Variants in RB1 observed in about 807,000 individuals in gnomAD.
RB1 encodes the protein RB transcriptional corepressor 1.
Under a neutral mutation model 135.4 loss-of-function variants are expected in RB1, and 18 were observed. The observed-to-expected ratio is 0.13, with a 90% CI of 0.09 to 0.20. The LOEUF (loss-of-function observed/expected upper bound fraction) is 0.20, where lower values mean the gene tolerates loss of function less well. Ranked by LOEUF, RB1 falls within the 10% of genes least tolerant of loss-of-function variation. RB1 has a pLI of 1.00. For synonymous variants in RB1, 365 were observed against 373.2 expected, an observed-to-expected ratio of 0.98 and a Z score of 0.25; for missense variants, 868 against 1,110.0, an observed-to-expected ratio of 0.78 and a Z score of 3.10.
At chr13:48,395,353 G>C (rs1469033322) in intron 17 of RB1, among the ~76,000 whole-genome samples, 1 of 152,108 alleles carries the variant, frequency 6.6e-6, no homozygotes, top group South Asian at 2.1e-4. Flanking sequence ...TCCAAAGAAT[G>C]ACAACTCCTC....
chr13:48,359,809 C>A (rs2138107080), intron 6 of RB1, among the ~76,000 whole-genome samples: 1 of 150,310 alleles, frequency 6.7e-6, no homozygotes, highest in Non-Finnish European at 1.5e-5. Flanking sequence ...ATTTATAATT[C>A]CATAACTTTA....
intron 12 of RB1, among the ~76,000 whole-genome samples, chr13:48,375,492 G>T: frequency 6.7e-6 from 1 of 149,794 alleles, no homozygotes; most frequent in African/African-American, 2.4e-5. Context: ...TTTTTTTTAG[G>T]AATATAGAAT....
At chr13:48,362,664 G>A (rs1197468084) in intron 7 of RB1, 151 bp from the exon 8 acceptor site, 2 of 822,244 alleles carry the variant, frequency 2.4e-6, no homozygotes, top group African/African-American at 3.4e-5. Context: ...TAGTAGATAT[G>A]GATGAAATTG....
chr13:48,424,263 A>G (rs950241241), intron 17 of RB1: 1 of 152,250 alleles, frequency 6.6e-6, no homozygotes, highest in Non-Finnish European at 1.5e-5. Flanking sequence ...TAGTATTACC[A>G]TAAGTCTATC....
In RB1 at chr13:48,332,576, C is replaced by T. The variant is rs549992344; in HGVS notation, c.265-10023C>T. 4.3e-4 allele frequency among the ~76,000 whole-genome samples: 66 copies of T among 152,242 alleles called. 1 individual carries two copies. The South Asian group carries it at 0.013, about 31-fold the overall frequency. On this transcript the variant is annotated intron_variant, in intron 2 of 26. Coordinates refer to ENST00000267163, the MANE Select transcript of RB1 (RefSeq NM_000321.3). ...ACAGAGTGAGACCCTGTCATGAGAC[C>T]TGTCTCAAAAACAAAAACAAAAAAA...
At chr13:48,453,795 A>G (rs1428823936) in intron 18 of RB1, among the ~76,000 whole-genome samples, 3 of 152,226 alleles carry the variant, frequency 2.0e-5, no homozygotes. Flanking sequence ...AAGAGCAGGT[A>G]GAGGAATCGT....
intron 6 of RB1, among the ~76,000 whole-genome samples, chr13:48,351,399 G>A (rs942018101): frequency 2.6e-5 from 4 of 151,960 alleles, no homozygotes; most frequent in African/African-American, 9.7e-5. Flanking sequence ...AAAAGTGTCT[G>A]TTCATGTGCC....
At chr13:48,476,051 A>G (rs1279843544) in intron 24 of RB1, among the ~76,000 whole-genome samples, 3 of 152,214 alleles carry the variant, frequency 2.0e-5, no homozygotes, top group Non-Finnish European at 4.4e-5. Flanking sequence ...GTTAAATTGT[A>G]TATGTGCTCC....
intron 13 of RB1, 137 bp from the exon 14 acceptor site, chr13:48,379,457 G>A (rs1159331445): frequency 1.7e-6 from 2 of 1,147,512 alleles, no homozygotes; most frequent in African/African-American, 1.6e-5. Context: ...GGCCAAAGCA[G>A]GAGGATCTCT....
At chr13:48,411,437 G>A (rs763716696) in intron 17 of RB1, 15 of 1,613,168 alleles carry the variant, frequency 9.3e-6, no homozygotes, top group Admixed American at 3.3e-5. Context: ...AGGTCTGTAG[G>A]TTATGCTGAA....
In RB1 at chr13:48,463,812, G is replaced by C. The variant is rs766487603; in HGVS notation, c.2188G>C (p.Asp730His). Residue 730 changes from aspartate (D) to histidine (H), a missense_variant, in exon 21 of 27, where the codon GAT (aspartate) becomes CAT (histidine). By Grantham distance (81) the Asp-to-His change is moderately conservative (BLOSUM62 -1). Transcript: ENST00000267163. Reference sequence around the variant, plus strand: ...CAAAATCATTGTAACAGCATACAAGGATCTTCCTCATGCTGTTCAGGAGGT... The same window carrying C: ...CAAAATCATTGTAACAGCATACAAGCATCTTCCTCATGCTGTTCAGGAGGT... The part of the protein sequence containing the change: ...KFKIIVTAYK[D>H]LPHAVQETFK... 2.5e-6 allele frequency: 4 copies of C among 1,604,706 alleles called. No homozygotes were observed. Among genetic ancestry groups the C allele is most frequent in the Non-Finnish European group, 3.4e-6 (4 of 1,171,814 alleles).
chr13:48,419,499 A>G lies in RB1; in HGVS notation c.1696-33494A>G, dbSNP rs184701301. Among the ~76,000 whole-genome samples the G allele has an allele frequency of 3.1e-3, 470 of 152,330 alleles. 1 individual carries two copies. The highest frequency in any genetic ancestry group is 0.011 in the African/African-American group (442 of 41,578). ...GAACTAGAGAAGCAAGAGCAAACTA[A>G]TTCAAAAGCTAGCAGAAGATAAGAA... On this transcript the variant is annotated intron_variant, in intron 17 of 26. Coordinates refer to ENST00000267163, the MANE Select transcript of RB1 (RefSeq NM_000321.3).
intron 6 of RB1, 48 bp downstream of exon 6, chr13:48,349,071 T>C: frequency 6.5e-7 from 1 of 1,541,732 alleles, no homozygotes; most frequent in African/African-American, 1.4e-5. Flanking sequence ...ATGTAATAAT[T>C]AAATTGGCAT....
chr13:48,320,356 C>T, intron 2 of RB1: 4 of 1,243,566 alleles, frequency 3.2e-6, no homozygotes, highest in Non-Finnish European at 4.7e-6. Context: ...CACCGACACG[C>T]TCTCCACCCC....
In RB1 at chr13:48,303,813, A is replaced by G. The variant is rs1952049790; in HGVS notation, c.-100A>G. The G allele has an allele frequency of 7.0e-7, 1 of 1,438,380 alleles. No individual in the cohort carries two copies. Among genetic ancestry groups the G allele is most frequent in the Non-Finnish European group, 9.1e-7 (1 of 1,092,914 alleles). The allele number at this position is 1,438,380 out of a possible 1,614,324, so 89.1% of individuals were successfully genotyped here. A position where few individuals can be genotyped will look rare whatever the true frequency, so the allele number is the denominator to read the frequency against. On this transcript the variant is annotated 5_prime_UTR_variant, in exon 1 of 27. Coordinates refer to ENST00000267163, the MANE Select transcript of RB1 (RefSeq NM_000321.3). ...AGGGGACGTTGAAATTATTTTTGTA[A>G]CGGGAGTCGGGAGAGGACGGGGCGT...
At chr13:48,404,601 A>T (rs4942765) in intron 17 of RB1, among the ~76,000 whole-genome samples, 86,674 of 151,802 alleles carry the variant, frequency 0.57, 28,974 homozygotes, top group Non-Finnish European at 0.73. Flanking sequence ...ATCTCCGCTC[A>T]CTGCAACCGC....
intron 5 of RB1, 71 bp from the exon 6 acceptor site, chr13:48,348,885 A>G: frequency 6.5e-7 from 1 of 1,544,890 alleles, no homozygotes; most frequent in Admixed American, 1.8e-5. Context: ...CACCCAAAAG[A>G]TATATCTGGA....
chr13:48,465,452 C>G (rs2138346622), intron 23 of RB1, 84 bp downstream of exon 23: 1 of 1,321,112 alleles, frequency 7.6e-7, no homozygotes, highest in South Asian at 1.2e-5. Flanking sequence ...AAGCATTCTT[C>G]ATTTCAAATA....
intron 17 of RB1, among the ~76,000 whole-genome samples, chr13:48,436,669 C>T (rs1949187596): frequency 6.6e-6 from 1 of 151,868 alleles, no homozygotes; most frequent in Admixed American, 6.6e-5. Flanking sequence ...GATAGTGGCT[C>T]AGCCAGCATA....
Sources: allele counts gnomAD v4.1 joint callset (sites outside exome capture counted in the v4.1 genomes callset), GRCh38; gene constraint gnomAD v4.1.1; transcripts MANE v1.5; gene names NCBI Gene and HGNC (gene_info 2026-07-23, HGNC 2026-07-21).